DLG2: variants seen among roughly 807,000 people sequenced by gnomAD.
DLG2 encodes discs large MAGUK scaffold protein 2.
A neutral mutation model predicts 132.5 loss-of-function variants in DLG2; 45 were observed. The ratio of observed to expected loss-of-function variants is 0.34; its 90% CI spans 0.27 to 0.44. DLG2 has a LOEUF of 0.44. DLG2 is among the 20% of genes least tolerant of loss of function. The pLI is 1.00. For synonymous variants in DLG2, 424 were observed against 419.6 expected, an observed-to-expected ratio of 1.01 and a Z score of -0.13; for missense variants, 1,045 against 1,196.9, an observed-to-expected ratio of 0.87 and a Z score of 1.87.
At chr11:85,077,855 A>G (rs2066752657) in intron 6 of DLG2, among the ~76,000 whole-genome samples, 2 of 152,042 alleles carry the variant, frequency 1.3e-5, no homozygotes, top group African/African-American at 4.8e-5. Context: ...ATATATGACC[A>G]AGACATGCCA....
intron 3 of DLG2, among the ~76,000 whole-genome samples, chr11:85,488,992 C>A (rs1314794235): frequency 6.6e-6 from 1 of 151,764 alleles, no homozygotes; most frequent in Non-Finnish European, 1.5e-5. Flanking sequence ...TCTACCAAAC[C>A]ACAATGACAG....
chr11:83,762,381 C>T (rs1205481685), intron 18 of DLG2, among the ~76,000 whole-genome samples: 1 of 152,190 alleles, frequency 6.6e-6, no homozygotes, highest in Non-Finnish European at 1.5e-5. Flanking sequence ...ATTCAAGTTA[C>T]AATGGCTTTC....
Position 84,515,276 on chromosome 11 carries a change from TACACACACACACAC to T in DLG2, c.519+19280_519+19293del, listed in dbSNP as rs142638064. Reference sequence around the variant, plus strand: ...CGTAGATTGGCTGAATGAACTTAAATACACACACACACACACACACACACACACACACACACACA... The same window carrying T: ...CGTAGATTGGCTGAATGAACTTAAATACACACACACACACACACACACACA... On this transcript the variant is annotated intron_variant, in intron 7 of 27. Transcript: ENST00000376104. Among the ~76,000 whole-genome samples, 76 of 141,936 alleles carry T rather than the reference TACACACACACACAC, an allele frequency of 5.4e-4. 1 individual carries two copies. In the East Asian group the frequency reaches 0.013, roughly 24 times the overall value. The allele number at this position is 141,936 out of a possible 152,430, so 93.1% of individuals were successfully genotyped here. A position where few individuals can be genotyped will look rare whatever the true frequency, so the allele number is the denominator to read the frequency against.
At chr11:85,403,493 A>G (rs953534707) in intron 3 of DLG2, among the ~76,000 whole-genome samples, 10 of 152,006 alleles carry the variant, frequency 6.6e-5, no homozygotes, top group African/African-American at 2.2e-4. Context: ...GTATAATAAA[A>G]AAAATTAAAT....
chr11:85,370,657 G>C (rs2084905446), intron 3 of DLG2, among the ~76,000 whole-genome samples: 1 of 152,074 alleles, frequency 6.6e-6, no homozygotes, highest in Non-Finnish European at 1.5e-5. Context: ...ATAATATCAA[G>C]TATTTTACAC....
intron 18 of DLG2, among the ~76,000 whole-genome samples, chr11:83,720,344 G>C (rs934735637): frequency 2.7e-5 from 3 of 109,392 alleles, no homozygotes; most frequent in Non-Finnish European, 5.5e-5. Flanking sequence ...ATTCACTTAA[G>C]TTATGTAAGT....
At chr11:85,249,466 TA>T (rs1432431096) in intron 4 of DLG2, among the ~76,000 whole-genome samples, 1 of 151,930 alleles carries the variant, frequency 6.6e-6, no homozygotes, top group Non-Finnish European at 1.5e-5. Flanking sequence ...ATAACTGTCT[TA>T]TAAGATGAAT....
At chr11:84,848,348 G>A (rs1366524777) in intron 6 of DLG2, among the ~76,000 whole-genome samples, 1 of 151,966 alleles carries the variant, frequency 6.6e-6, no homozygotes, top group African/African-American at 2.4e-5. Flanking sequence ...ACAAAAATTA[G>A]CCAGGCATGG....
At chr11:84,574,075 T>C (rs1266871867) in intron 6 of DLG2, among the ~76,000 whole-genome samples, 2 of 152,112 alleles carry the variant, frequency 1.3e-5, no homozygotes, top group Non-Finnish European at 2.9e-5. Context: ...GAACTGAGAC[T>C]CCAGATGTCC....
chr11:85,508,091 T>C (rs962678143), intron 3 of DLG2, among the ~76,000 whole-genome samples: 1 of 152,148 alleles, frequency 6.6e-6, no homozygotes, highest in Non-Finnish European at 1.5e-5. Context: ...CTGTTTATTC[T>C]AGTTAGCCAT....
chr11:83,622,881 G>T (rs548806216), intron 19 of DLG2, among the ~76,000 whole-genome samples: 1 of 152,166 alleles, frequency 6.6e-6, no homozygotes, highest in Non-Finnish European at 1.5e-5. Flanking sequence ...TGTATATCCT[G>T]TGTTTGATGG....
intron 6 of DLG2, among the ~76,000 whole-genome samples, chr11:84,641,930 C>T (rs1594661912): frequency 6.6e-6 from 1 of 151,088 alleles, no homozygotes; most frequent in South Asian, 2.1e-4. Flanking sequence ...TATATATACA[C>T]ACACACACAT....
At chr11:83,616,697 C>T (rs2060869396) in intron 19 of DLG2, among the ~76,000 whole-genome samples, 1 of 151,990 alleles carries the variant, frequency 6.6e-6, no homozygotes, top group Non-Finnish European at 1.5e-5. Context: ...ATGCTTTGTG[C>T]CTGTTTAATA....
At chr11:85,271,899 G>T (rs1457468175) in intron 4 of DLG2, among the ~76,000 whole-genome samples, 1 of 152,164 alleles carries the variant, frequency 6.6e-6, no homozygotes, top group Non-Finnish European at 1.5e-5. Context: ...TTTGGACTGT[G>T]TACTTTTGAG....
intron 4 of DLG2, among the ~76,000 whole-genome samples, chr11:85,214,936 T>C (rs967106850): frequency 5.9e-5 from 9 of 152,186 alleles, no homozygotes; most frequent in Non-Finnish European, 1.2e-4. Context: ...TGCTCCATAA[T>C]ACTTTCACAA....
chr11:83,828,358 G>A (rs569411047), intron 17 of DLG2, among the ~76,000 whole-genome samples: 291 of 152,202 alleles, frequency 1.9e-3, no homozygotes, highest in Non-Finnish European at 3.4e-3. Context: ...ACGCCACTGT[G>A]CTCCAGCCTG....
At chr11:84,025,424 G>T (rs989633317) in intron 11 of DLG2, among the ~76,000 whole-genome samples, 1 of 152,048 alleles carries the variant, frequency 6.6e-6, no homozygotes, top group African/African-American at 2.4e-5. Context: ...CCCAACACTT[G>T]GGAATTCAAG....
intron 16 of DLG2, among the ~76,000 whole-genome samples, chr11:83,852,502 GA>G (rs2059946264): frequency 6.6e-6 from 1 of 151,600 alleles, no homozygotes; most frequent in African/African-American, 2.4e-5. Flanking sequence ...AATTACTGTG[GA>G]AAAAAAAGAC....
intron 7 of DLG2, among the ~76,000 whole-genome samples, chr11:84,293,987 C>G (rs1183219990): frequency 2.0e-5 from 3 of 152,128 alleles, no homozygotes; most frequent in Non-Finnish European, 4.4e-5. Flanking sequence ...GCATTGCCAC[C>G]ACCAGAAAAA....
Sources: allele counts gnomAD v4.1 joint callset (sites outside exome capture counted in the v4.1 genomes callset), GRCh38; gene constraint gnomAD v4.1.1; transcripts MANE v1.5; gene names NCBI Gene and HGNC (gene_info 2026-07-23, HGNC 2026-07-21).